Variants in MSH3 observed in about 807,000 individuals in gnomAD.
The protein encoded by MSH3 is mutS homolog 3.
A neutral mutation model predicts 123.3 loss-of-function variants in MSH3; 106 were observed. The ratio of observed to expected loss-of-function variants is 0.86; its 90% confidence interval spans 0.73 to 1.01. The LOEUF (loss-of-function observed/expected upper bound fraction) is 1.01. Ranked by LOEUF, MSH3 falls within the 50% of genes least tolerant of loss-of-function variation. The pLI, the probability that MSH3 is intolerant of heterozygous loss-of-function variation, is 0.00. For missense variants in MSH3, 1,459 were observed against 1,347.6 expected, an observed-to-expected ratio of 1.08 and a Z score of -1.29; for synonymous variants, 515 against 481.4, an observed-to-expected ratio of 1.07 and a Z score of -0.91.
chr5:80,870,959 A>G (rs1746202574), intron 22 of MSH3, among the ~76,000 whole-genome samples: 1 of 152,250 alleles, frequency 6.6e-6, no homozygotes, highest in Non-Finnish European at 1.5e-5. Context: ...TGAATTTCAT[A>G]ATAAAAGTTA....
rs540536032 is a variant in MSH3 at position 80,833,000 on chromosome 5, A to G, written c.2813+19259A>G. 3.2e-3 allele frequency among the ~76,000 whole-genome samples: 482 copies of G among 152,300 alleles called. 5 individuals carry two copies. Among genetic ancestry groups the G allele is most frequent in the African/African-American group, 7.3e-3 (304 of 41,560 alleles). On this transcript the variant is annotated intron_variant, in intron 20 of 23. Coordinates refer to ENST00000265081, the MANE Select transcript of MSH3 (RefSeq NM_002439.5). ...TAGAATATTATCTCAAAATAGTAAG[A>G]TCTCATAAAAACAAACTGTTTTTCA...
At position 80,817,427 on chromosome 5, in the gene MSH3, A is replaced by G. The variant is rs564463027; in HGVS notation, c.2813+3686A>G. 1.6e-4 allele frequency among the ~76,000 whole-genome samples: 24 copies of G among 152,262 alleles called. No homozygotes were observed. In the South Asian group the frequency reaches 5.0e-3, roughly 32 times the overall value. On this transcript the variant is annotated intron_variant, in intron 20 of 23. Coordinates refer to ENST00000265081, the MANE Select transcript of MSH3 (RefSeq NM_002439.5). ...AGTAGAGGGGGTTAGTACAGGTGAT[A>G]CTGCAAAGGTTGGCCAGGAAGAAGA...
intron 21 of MSH3, among the ~76,000 whole-genome samples, chr5:80,856,654 A>C (rs892211977): frequency 2.6e-5 from 4 of 152,098 alleles, no homozygotes; most frequent in African/African-American, 9.7e-5. Flanking sequence ...ATACAAATGT[A>C]ACTGACCTGC....
At chr5:80,772,862 A>G (rs557995046) in intron 15 of MSH3, among the ~76,000 whole-genome samples, 19 of 152,262 alleles carry the variant, frequency 1.2e-4, no homozygotes, top group Admixed American at 9.8e-4. Context: ...GAGTGAGGAA[A>G]AGGGACCCTC....
intron 20 of MSH3, among the ~76,000 whole-genome samples, chr5:80,832,825 T>G (rs1355131316): frequency 6.6e-6 from 1 of 152,088 alleles, no homozygotes; most frequent in Non-Finnish European, 1.5e-5. Context: ...TTAACAATTT[T>G]AATATTTAAG....
intron 4 of MSH3, among the ~76,000 whole-genome samples, 197 bp downstream of exon 4, chr5:80,670,506 G>T (rs1749681172): frequency 6.6e-6 from 1 of 152,188 alleles, no homozygotes; most frequent in Non-Finnish European, 1.5e-5. Flanking sequence ...GGGAAAAAGT[G>T]AGGGGTCTCT....
chr5:80,681,487 A>G (rs1312736169), intron 8 of MSH3, among the ~76,000 whole-genome samples: 2 of 152,024 alleles, frequency 1.3e-5, no homozygotes, highest in Non-Finnish European at 2.9e-5. Flanking sequence ...ATTTCTATAT[A>G]TGGATATTCA....
At chr5:80,828,782 A>G (rs937371560) in intron 20 of MSH3, among the ~76,000 whole-genome samples, 34 of 152,212 alleles carry the variant, frequency 2.2e-4, no homozygotes, top group African/African-American at 7.5e-4. Flanking sequence ...TTGAGGCTCC[A>G]GAGTAATCTT....
chr5:80,769,214 T>G (rs1166257719), intron 15 of MSH3, among the ~76,000 whole-genome samples: 1 of 152,116 alleles, frequency 6.6e-6, no homozygotes, highest in African/African-American at 2.4e-5. Flanking sequence ...TGCAACTTAA[T>G]GTTATATGTA....
chr5:80,795,858 A>G (rs10051571), intron 19 of MSH3, among the ~76,000 whole-genome samples: 9,991 of 152,110 alleles, frequency 0.066, 436 homozygotes, highest in Non-Finnish European at 0.091. Context: ...ACTAAACATA[A>G]AAATTAGCTG....
intron 8 of MSH3, among the ~76,000 whole-genome samples, chr5:80,695,732 T>G (rs1750464473): frequency 6.6e-6 from 1 of 152,264 alleles, no homozygotes; most frequent in Admixed American, 6.5e-5. Flanking sequence ...TAATTGCTGT[T>G]AAAACATTTA....
chr5:80,777,193 A>G (rs981094261), intron 16 of MSH3, among the ~76,000 whole-genome samples: 3 of 151,974 alleles, frequency 2.0e-5, no homozygotes, highest in Admixed American at 2.0e-4. Context: ...GTAATTTATT[A>G]TTTTAACTTA....
chr5:80,787,884 G>A (rs1228629672), intron 18 of MSH3, among the ~76,000 whole-genome samples: 1 of 152,128 alleles, frequency 6.6e-6, no homozygotes, highest in African/African-American at 2.4e-5. Context: ...AGATGTTAAA[G>A]TTTATGTGGG....
intron 21 of MSH3, among the ~76,000 whole-genome samples, chr5:80,857,331 T>A (rs531333392): frequency 1.3e-5 from 2 of 152,224 alleles, no homozygotes; most frequent in Non-Finnish European, 2.9e-5. Context: ...GCATCTATGT[T>A]TATGAGAGAT....
chr5:80,855,743 T>C (rs1486912738), intron 21 of MSH3: 3 of 152,188 alleles, frequency 2.0e-5, no homozygotes, highest in Non-Finnish European at 4.4e-5. Context: ...AACTTCTAAA[T>C]AGCCTTGTCC....
intron 12 of MSH3, chr5:80,746,363 C>A: frequency 2.5e-6 from 1 of 393,722 alleles, no homozygotes; most frequent in Non-Finnish European, 5.0e-6. Flanking sequence ...CGCTGGTTCG[C>A]TTGGCATACC....
intron 8 of MSH3, among the ~76,000 whole-genome samples, chr5:80,693,196 TATAC>T (rs1427537445): frequency 7.4e-4 from 37 of 50,168 alleles, no homozygotes; most frequent in African/African-American, 3.0e-3. Context: ...TATAGATAAA[TATAC>T]ATGCACATGT....
chr5:80,722,206 A>C (rs1354503990), intron 8 of MSH3, among the ~76,000 whole-genome samples: 1 of 152,224 alleles, frequency 6.6e-6, no homozygotes, highest in Non-Finnish European at 1.5e-5. Context: ...AGGAAGGAAA[A>C]TCATAAAAAT....
intron 8 of MSH3, among the ~76,000 whole-genome samples, chr5:80,722,493 A>C (rs1423643076): frequency 1.3e-5 from 2 of 152,196 alleles, no homozygotes; most frequent in African/African-American, 2.4e-5. Context: ...ATCATCTACT[A>C]ATTTTCATTA....
Sources: allele counts gnomAD v4.1 joint callset (sites outside exome capture counted in the v4.1 genomes callset), GRCh38; gene constraint gnomAD v4.1.1; transcripts MANE v1.5; gene names NCBI Gene and HGNC (gene_info 2026-07-23, HGNC 2026-07-21).